Variants in PPTC7 observed in about 807,000 individuals in gnomAD.
The protein encoded by PPTC7 is protein phosphatase PTC7 homolog.
In PPTC7, 6 loss-of-function variants were observed where a neutral mutation model predicts 30.8. The observed-to-expected ratio is 0.19, with a 90% CI of 0.11 to 0.38. PPTC7 has a LOEUF of 0.38. Among genes scored for constraint, PPTC7 ranks in the 10% least tolerant of loss-of-function variants. The pLI is 1.00. For missense variants in PPTC7, 218 were observed against 404.8 expected (o/e 0.54, Z 3.96); for synonymous variants, 163 against 168.1 (o/e 0.97, Z 0.23).
chr12:110,572,250 C>A (rs958261109), intron 1 of PPTC7, among the ~76,000 whole-genome samples: 1 of 152,104 alleles, frequency 6.6e-6, no homozygotes, highest in African/African-American at 2.4e-5. Context: ...TCAAGAACAG[C>A]CTGGCCAACA....
intron 1 of PPTC7, among the ~76,000 whole-genome samples, chr12:110,578,606 A>G (rs1166329581): frequency 2.0e-5 from 3 of 152,222 alleles, no homozygotes; most frequent in African/African-American, 7.2e-5. Flanking sequence ...TCTTTCTCAT[A>G]TAAAAAGAAA....
intron 1 of PPTC7, among the ~76,000 whole-genome samples, chr12:110,558,437 TAA>T (rs1189980835): frequency 6.6e-6 from 1 of 152,244 alleles, no homozygotes; most frequent in East Asian, 1.9e-4. Flanking sequence ...CTATTTCCTT[TAA>T]TTCACTGTAA....
intron 1 of PPTC7, among the ~76,000 whole-genome samples, chr12:110,568,315 C>T (rs1308255122): frequency 6.6e-5 from 10 of 150,498 alleles, no homozygotes; most frequent in South Asian, 2.1e-4. Context: ...TGCAGTGCCG[C>T]GATCTCGGCT....
intron 1 of PPTC7, among the ~76,000 whole-genome samples, chr12:110,565,225 T>C (rs1172908687): frequency 6.6e-6 from 1 of 151,820 alleles, no homozygotes; most frequent in Non-Finnish European, 1.5e-5. Context: ...AGTAGGACAA[T>C]GAGTACTTTT....
At chr12:110,555,545 T>C (rs1393662603) in intron 1 of PPTC7, among the ~76,000 whole-genome samples, 1 of 152,230 alleles carries the variant, frequency 6.6e-6, no homozygotes, top group Admixed American at 6.5e-5. Context: ...AAGACCCTTT[T>C]GCCTGCTGTG....
intron 1 of PPTC7, among the ~76,000 whole-genome samples, chr12:110,571,166 A>G (rs1217621250): frequency 6.6e-6 from 1 of 152,198 alleles, no homozygotes; most frequent in Non-Finnish European, 1.5e-5. Context: ...AACTAAAAGT[A>G]AAATTAAAAG....
intron 4 of PPTC7, 46 bp downstream of exon 4, chr12:110,539,776 C>A: frequency 6.3e-7 from 1 of 1,597,386 alleles, no homozygotes; most frequent in Non-Finnish European, 8.6e-7. Context: ...ACTCAGCTAT[C>A]CAGAGAGGGC....
At chr12:110,577,382 C>T (rs1034379440) in intron 1 of PPTC7, among the ~76,000 whole-genome samples, 2 of 151,754 alleles carry the variant, frequency 1.3e-5, no homozygotes, top group Admixed American at 6.6e-5. Flanking sequence ...AGGAAAATTC[C>T]AACAAGGACT....
intron 1 of PPTC7, among the ~76,000 whole-genome samples, chr12:110,565,550 T>C (rs531082612): frequency 6.6e-6 from 1 of 152,346 alleles, no homozygotes; most frequent in South Asian, 2.1e-4. Context: ...CCACCGTGCC[T>C]GGCCCATACT....
chr12:110,570,936 T>G (rs1017212973), intron 1 of PPTC7, among the ~76,000 whole-genome samples: 4 of 152,256 alleles, frequency 2.6e-5, no homozygotes, highest in African/African-American at 9.6e-5. Flanking sequence ...TGTGTATTTT[T>G]CTTTTCCAAA....
At chr12:110,538,326 T>C in intron 4 of PPTC7, 53 bp from the exon 5 acceptor site, 1 of 1,528,014 alleles carries the variant, frequency 6.5e-7, no homozygotes, top group African/African-American at 1.4e-5. Flanking sequence ...GACAGTAACA[T>C]TTATCTAACC....
intron 3 of PPTC7, among the ~76,000 whole-genome samples, chr12:110,542,316 A>G (rs1242240388): frequency 6.6e-6 from 1 of 151,534 alleles, no homozygotes; most frequent in East Asian, 1.9e-4. Context: ...AAAAAGGCAG[A>G]AAGACACACA....
At chr12:110,546,196 G>GCTTT in intron 2 of PPTC7, 118 bp from the exon 3 acceptor site, 2 of 772,304 alleles carry the variant, frequency 2.6e-6, no homozygotes, top group Non-Finnish European at 4.3e-6. Context: ...TGCCTAAACA[G>GCTTT]GACCTTTCTT....
At chr12:110,578,488 G>A (rs931364698) in intron 1 of PPTC7, among the ~76,000 whole-genome samples, 3 of 152,142 alleles carry the variant, frequency 2.0e-5, no homozygotes, top group Non-Finnish European at 4.4e-5. Context: ...TTTCCGAAAC[G>A]AAATACAGTG....
intron 1 of PPTC7, among the ~76,000 whole-genome samples, chr12:110,562,024 G>T (rs1464124060): frequency 6.6e-6 from 1 of 152,128 alleles, no homozygotes; most frequent in South Asian, 2.1e-4. Flanking sequence ...TATCCCAAAC[G>T]GAGAGTCGCT....
chr12:110,576,918 G>A (rs1251001895), intron 1 of PPTC7, among the ~76,000 whole-genome samples: 4 of 152,200 alleles, frequency 2.6e-5, no homozygotes, highest in African/African-American at 9.7e-5. Context: ...TGTAATCCCA[G>A]CACTTTGGGA....
intron 2 of PPTC7, among the ~76,000 whole-genome samples, chr12:110,547,396 G>A (rs775277601): frequency 2.0e-5 from 3 of 152,122 alleles, no homozygotes; most frequent in Non-Finnish European, 2.9e-5. Context: ...AGGGATAACA[G>A]TAAGTACCTC....
intron 1 of PPTC7, among the ~76,000 whole-genome samples, chr12:110,580,794 C>T (rs2064630631): frequency 6.6e-6 from 1 of 152,120 alleles, no homozygotes; most frequent in South Asian, 2.1e-4. Context: ...CACTGTCGCC[C>T]AGTCTGGAGT....
At chr12:110,562,286 C>CAAAAAAAA (rs11319526) in intron 1 of PPTC7, among the ~76,000 whole-genome samples, 5 of 34,726 alleles carry the variant, frequency 1.4e-4, no homozygotes, top group East Asian at 9.7e-4. Flanking sequence ...GACTCCATCT[C>CAAAAAAAA]AAAAAAAAAA....
Sources: gnomAD v4.1 joint callset for allele counts (sites outside exome capture counted in the v4.1 genomes callset) on GRCh38, gnomAD v4.1.1 for gene constraint, MANE v1.5 for transcripts, NCBI Gene and HGNC (gene_info 2026-07-23, HGNC 2026-07-21) for gene names.